Variants in MTMR7 observed in about 807,000 individuals in gnomAD.
The protein encoded by MTMR7 is phosphatidylinositol-3-phosphate phosphatase MTMR7.
Under a neutral mutation model 81.2 loss-of-function variants are expected in MTMR7, and 76 were observed. The ratio of observed to expected loss-of-function variants is 0.94; its 90% CI spans 0.78 to 1.13. MTMR7 has a LOEUF of 1.13. Ranked by LOEUF, MTMR7 falls within the 50% of genes most tolerant of loss-of-function variation. MTMR7 has a pLI of 0.00. For missense variants in MTMR7, 1,044 were observed against 820.0 expected (o/e 1.27, Z -3.34); for synonymous variants, 372 against 289.8 (o/e 1.28, Z -2.88).
chr8:17,356,668 C>A (rs1361979682), intron 4 of MTMR7, among the ~76,000 whole-genome samples: 1 of 151,990 alleles, frequency 6.6e-6, no homozygotes, highest in African/African-American at 2.4e-5. Flanking sequence ...GAGCTGAGAT[C>A]GCCCCACTGT....
chr8:17,400,005 T>C (rs1821377310), intron 1 of MTMR7, among the ~76,000 whole-genome samples: 3 of 152,190 alleles, frequency 2.0e-5, no homozygotes. Context: ...AGATTTTTGA[T>C]GCTGTTTGTA....
chr8:17,410,596 C>T (rs1821711396), intron 1 of MTMR7, among the ~76,000 whole-genome samples: 1 of 152,098 alleles, frequency 6.6e-6, no homozygotes, highest in Admixed American at 6.5e-5. Flanking sequence ...TTTTTTTTCC[C>T]CTCTAGAGGA....
At chr8:17,373,358 C>A in intron 1 of MTMR7, 118 bp from the exon 2 acceptor site, 1 of 1,292,150 alleles carries the variant, frequency 7.7e-7, no homozygotes, top group South Asian at 1.7e-5. Context: ...AGAATTCCCC[C>A]AATAATAAAA....
chr8:17,400,540 T>C (rs1821396683), intron 1 of MTMR7, among the ~76,000 whole-genome samples: 1 of 152,186 alleles, frequency 6.6e-6, no homozygotes. Flanking sequence ...TCCCTGCCTC[T>C]AGAGTAATGG....
chr8:17,389,060 T>C (rs1252581048), intron 1 of MTMR7, among the ~76,000 whole-genome samples: 2 of 152,158 alleles, frequency 1.3e-5, no homozygotes, highest in African/African-American at 4.8e-5. Context: ...CATGATTGCC[T>C]GCCACAGTGC....
chr8:17,308,215 T>C (rs1193735932), intron 10 of MTMR7, among the ~76,000 whole-genome samples: 3 of 152,140 alleles, frequency 2.0e-5, no homozygotes, highest in African/African-American at 7.2e-5. Context: ...ATTTTTTCCT[T>C]ATCAAACAAT....
chr8:17,350,516 T>C (rs996066833), intron 4 of MTMR7, among the ~76,000 whole-genome samples: 3 of 152,046 alleles, frequency 2.0e-5, no homozygotes, highest in African/African-American at 7.2e-5. Flanking sequence ...CATGATCCAA[T>C]TACCTCCCAC....
intron 1 of MTMR7, among the ~76,000 whole-genome samples, chr8:17,405,132 G>A (rs181351130): frequency 2.1e-4 from 32 of 152,362 alleles, no homozygotes; most frequent in Admixed American, 5.2e-4. Flanking sequence ...GATTACAGGC[G>A]TGAGCCACTG....
At chr8:17,363,628 C>T (rs1186143860) in intron 3 of MTMR7, among the ~76,000 whole-genome samples, 1 of 151,890 alleles carries the variant, frequency 6.6e-6, no homozygotes, top group African/African-American at 2.4e-5. Context: ...GGTGATCAAC[C>T]AATCCTTATG....
intron 4 of MTMR7, chr8:17,349,312 T>C (rs1819656362): frequency 4.8e-6 from 2 of 412,740 alleles, no homozygotes; most frequent in Admixed American, 3.4e-5. Context: ...TCTGTCCCCG[T>C]GCACTGTCCC....
At position 17,353,807 on chromosome 8, in the gene MTMR7, T is replaced by C. The variant is rs533054268; in HGVS notation, c.469-4726A>G. Among the ~76,000 whole-genome samples, 318 of 152,350 alleles carry C rather than the reference T, an allele frequency of 2.1e-3. 2 individuals are homozygous for C. The highest frequency in any genetic ancestry group is 0.017 in the South Asian group (80 of 4,832). On this transcript the variant is annotated intron_variant, in intron 4 of 13. Transcript: ENST00000180173. Reference sequence around the variant, plus strand: ...TTTTCTTTGTGCTCCACTAAATTAATTGACCTTCCTGGAGTGCCCACATCC... The same window carrying C: ...TTTTCTTTGTGCTCCACTAAATTAACTGACCTTCCTGGAGTGCCCACATCC...
At chr8:17,383,480 G>A (rs150021753) in intron 1 of MTMR7, among the ~76,000 whole-genome samples, 38 of 152,270 alleles carry the variant, frequency 2.5e-4, no homozygotes, top group East Asian at 1.9e-3. Flanking sequence ...CCCAAGCCTC[G>A]CATCTAGAAA....
chr8:17,380,749 C>A (rs1281681200), intron 1 of MTMR7, among the ~76,000 whole-genome samples: 1 of 152,072 alleles, frequency 6.6e-6, no homozygotes, highest in Non-Finnish European at 1.5e-5. Flanking sequence ...CCTTTGAGGT[C>A]ATTGTAGAAT....
rs149531368 is a variant in MTMR7, at chr8:17,315,916, G to C, written c.866-2515C>G. Among the ~76,000 whole-genome samples, 460 of 152,316 alleles carry C rather than the reference G, an allele frequency of 3.0e-3. 5 individuals carry two copies. The highest frequency in any genetic ancestry group is 4.2e-3 in the Non-Finnish European group (289 of 68,026). ...CTGTCCCAGCTACTTGGGAGGCTGA[G>C]TTGAGAGGATCACTTCAACCCAGGA... On this transcript the variant is annotated intron_variant, in intron 7 of 13. Coordinates refer to ENST00000180173, the MANE Select transcript of MTMR7 (RefSeq NM_004686.5).
intron 4 of MTMR7, among the ~76,000 whole-genome samples, chr8:17,360,515 C>T (rs1411101869): frequency 6.7e-6 from 1 of 149,860 alleles, no homozygotes; most frequent in Non-Finnish European, 1.5e-5. Flanking sequence ...CTAGGATGTT[C>T]TCACATTACT....
chr8:17,358,404 G>A (rs1315083240), intron 4 of MTMR7, among the ~76,000 whole-genome samples: 3 of 152,084 alleles, frequency 2.0e-5, no homozygotes, highest in African/African-American at 7.2e-5. Context: ...AATATATAAT[G>A]CAAACATGTT....
At chr8:17,367,402 T>C (rs1315084969) in intron 3 of MTMR7, among the ~76,000 whole-genome samples, 3 of 152,176 alleles carry the variant, frequency 2.0e-5, no homozygotes, top group Admixed American at 2.0e-4. Flanking sequence ...TGAAGGCCTC[T>C]GAGAAACGGG....
intron 12 of MTMR7, among the ~76,000 whole-genome samples, chr8:17,303,558 T>G (rs1817262334): frequency 6.6e-6 from 1 of 151,592 alleles, no homozygotes; most frequent in South Asian, 2.1e-4. Flanking sequence ...ACATACCTAG[T>G]AGAACTTGTA....
At chr8:17,311,682 A>G (rs1333415703) in intron 8 of MTMR7, 46 bp from the exon 9 acceptor site, 1 of 1,612,872 alleles carries the variant, frequency 6.2e-7, no homozygotes, top group Admixed American at 1.7e-5. Flanking sequence ...ATGGCTGTAA[A>G]AAGGCAGAAC....
Sources: gnomAD v4.1 joint callset for allele counts (sites outside exome capture counted in the v4.1 genomes callset) on GRCh38, gnomAD v4.1.1 for gene constraint, MANE v1.5 for transcripts, NCBI Gene and HGNC (gene_info 2026-07-23, HGNC 2026-07-21) for gene names.